SGCG: variants seen among roughly 807,000 people sequenced by gnomAD.
The protein encoded by SGCG is sarcoglycan gamma.
In SGCG, 26 loss-of-function variants were observed where a neutral mutation model predicts 29.3. The ratio of observed to expected loss-of-function variants is 0.89; its 90% CI spans 0.65 to 1.23. The LOEUF is 1.23. Ranked by LOEUF, SGCG falls within the 50% of genes most tolerant of loss-of-function variation. The pLI is 0.00. For synonymous variants in SGCG, 145 were observed against 129.7 expected (o/e 1.12, Z -0.80); for missense variants, 353 against 356.0 (o/e 0.99, Z 0.07).
chr13:23,262,405 C>G (rs1270298474), intron 4 of SGCG, among the ~76,000 whole-genome samples: 1 of 151,328 alleles, frequency 6.6e-6, no homozygotes, highest in Non-Finnish European at 1.5e-5. Flanking sequence ...AAAACAAAAC[C>G]AAAAAATGTA....
intron 4 of SGCG, among the ~76,000 whole-genome samples, chr13:23,253,274 C>T (rs1405855303): frequency 6.6e-6 from 1 of 152,094 alleles, no homozygotes; most frequent in African/African-American, 2.4e-5. Flanking sequence ...AGTTACACAT[C>T]AAAATCTCTT....
At chr13:23,313,326 A>T (rs35469322) in intron 6 of SGCG, among the ~76,000 whole-genome samples, 3 of 151,806 alleles carry the variant, frequency 2.0e-5, no homozygotes, top group Non-Finnish European at 4.4e-5. Context: ...CACCATGCCC[A>T]GCTCATTTTT....
At chr13:23,192,168 G>C (rs116983558) in intron 1 of SGCG, among the ~76,000 whole-genome samples, 113 of 135,884 alleles carry the variant, frequency 8.3e-4, no homozygotes, top group African/African-American at 2.4e-3. Context: ...GAGTGAGACT[G>C]CGTCCCAAAA....
At chr13:23,229,166 G>A (rs945794948) in intron 2 of SGCG, among the ~76,000 whole-genome samples, 3 of 152,158 alleles carry the variant, frequency 2.0e-5, no homozygotes, top group South Asian at 2.1e-4. Flanking sequence ...ATCCCAGTGT[G>A]AGCCACCATG....
chr13:23,315,106 C>A (rs546056827), intron 6 of SGCG, among the ~76,000 whole-genome samples: 2 of 152,188 alleles, frequency 1.3e-5, no homozygotes, highest in Admixed American at 1.3e-4. Flanking sequence ...CAGGCCCTTA[C>A]AGGTGAATCA....
At chr13:23,171,043 T>C in the SGCG span, among the ~76,000 whole-genome samples, 18 of 152,210 alleles carry the variant, frequency 1.2e-4, no homozygotes, top group African/African-American at 4.1e-4. Flanking sequence ...TAATTACTAA[T>C]TGAGCACATA....
intron 4 of SGCG, among the ~76,000 whole-genome samples, chr13:23,265,932 G>T (rs1021617690): frequency 6.6e-6 from 1 of 152,152 alleles, no homozygotes; most frequent in Non-Finnish European, 1.5e-5. Context: ...CAAAGGAAAA[G>T]AAGTCATTAT....
intron 3 of SGCG, among the ~76,000 whole-genome samples, chr13:23,243,056 A>C (rs1359115065): frequency 6.6e-6 from 1 of 152,210 alleles, no homozygotes; most frequent in African/African-American, 2.4e-5. Flanking sequence ...AATTCAATAT[A>C]AGAGGTTTCA....
chr13:23,249,425 T>A (rs1328097697), intron 3 of SGCG, among the ~76,000 whole-genome samples: 3 of 152,190 alleles, frequency 2.0e-5, no homozygotes, highest in Non-Finnish European at 2.9e-5. Context: ...CCTTTAAAGC[T>A]CAAAAGAAGC....
intron 3 of SGCG, chr13:23,244,314 A>G (rs888159564): frequency 6.6e-6 from 1 of 152,230 alleles, no homozygotes; most frequent in African/African-American, 2.4e-5. Context: ...TTGTGCTCAT[A>G]AAGCCACTTT....
intron 6 of SGCG, among the ~76,000 whole-genome samples, chr13:23,306,811 C>T (rs1300371206): frequency 3.3e-5 from 5 of 152,078 alleles, no homozygotes; most frequent in Non-Finnish European, 5.9e-5. Flanking sequence ...ATCATCAATT[C>T]AACAACTGGA....
intron 2 of SGCG, among the ~76,000 whole-genome samples, chr13:23,205,230 G>A (rs1196878317): frequency 6.6e-6 from 1 of 152,144 alleles, no homozygotes; most frequent in Non-Finnish European, 1.5e-5. Flanking sequence ...CTTCATGAAA[G>A]TAGCACAACT....
At chr13:23,223,603 T>G (rs5026269) in intron 2 of SGCG, among the ~76,000 whole-genome samples, 90,646 of 152,016 alleles carry the variant, frequency 0.6, 27,608 homozygotes, top group East Asian at 0.86. Context: ...ACATAGAAAT[T>G]TCCATTTTTG....
chr13:23,179,621 A>C (rs1229398670), upstream of SGCG, among the ~76,000 whole-genome samples: 1 of 152,208 alleles, frequency 6.6e-6, no homozygotes, highest in Non-Finnish European at 1.5e-5. Context: ...TTTTATGTCT[A>C]GCTGAATTCC....
intron 2 of SGCG, among the ~76,000 whole-genome samples, chr13:23,211,807 C>A (rs1487152258): frequency 6.6e-6 from 1 of 152,170 alleles, no homozygotes; most frequent in African/African-American, 2.4e-5. Context: ...ATGCTCTTCT[C>A]TCTATCTAGA....
chr13:23,224,155 A>G (rs1878797987), intron 2 of SGCG, among the ~76,000 whole-genome samples: 1 of 152,164 alleles, frequency 6.6e-6, no homozygotes, highest in Admixed American at 6.5e-5. Flanking sequence ...GTCAGTCTAT[A>G]CAGATTGAAG....
upstream of SGCG, among the ~76,000 whole-genome samples, chr13:23,179,973 G>A (rs529390074): frequency 5.3e-4 from 80 of 151,876 alleles, no homozygotes; most frequent in African/African-American, 1.8e-3. Flanking sequence ...TAATTTCATC[G>A]CCCAGGTAGT....
intron 2 of SGCG, among the ~76,000 whole-genome samples, chr13:23,221,587 ATACTATT>A (rs1048808567): frequency 3.3e-5 from 5 of 152,236 alleles, no homozygotes; most frequent in South Asian, 4.1e-4. Flanking sequence ...ACAAATACAA[ATACTATT>A]TACAAAGCCC....
intron 2 of SGCG, among the ~76,000 whole-genome samples, chr13:23,213,535 G>A (rs973884064): frequency 1.3e-5 from 2 of 152,120 alleles, no homozygotes; most frequent in African/African-American, 4.8e-5. Context: ...TATTGTATCT[G>A]TCCTTGATCA....
Sources: allele counts gnomAD v4.1 joint callset (sites outside exome capture counted in the v4.1 genomes callset), GRCh38; gene constraint gnomAD v4.1.1; transcripts MANE v1.5; gene names NCBI Gene and HGNC (gene_info 2026-07-23, HGNC 2026-07-21).